The following POTEC variants were observed in gnomAD, a reference collection of about 807,000 sequenced individuals.
The protein encoded by POTEC is POTE ankyrin domain family member C, also known as ANKRD26-like family B member 2.
A neutral mutation model predicts 62.0 loss-of-function variants in POTEC; 35 were observed. The ratio of observed to expected loss-of-function variants is 0.56; its 90% CI spans 0.43 to 0.75. The LOEUF is 0.75. Ranked by LOEUF, POTEC falls within the 30% of genes least tolerant of loss-of-function variation. POTEC has a pLI of 0.00. For synonymous variants in POTEC, 156 were observed against 221.5 expected (o/e 0.70, Z 2.62); for missense variants, 472 against 655.9 (o/e 0.72, Z 3.06).
In POTEC at chr18:14,510,717, G is replaced by GT. The variant is rs1467652270; in HGVS notation, c.*1180dup. 6.6e-6 allele frequency: 1 copy of GT among 152,196 alleles called. No individual in the cohort carries two copies. Among genetic ancestry groups the GT allele is most frequent in the Non-Finnish European group, 1.5e-5 (1 of 68,040 alleles). The allele number at this position is 152,196 out of a possible 1,614,324, so 9.4% of individuals were successfully genotyped here. On this transcript the variant is annotated 3_prime_UTR_variant, in exon 11 of 11. Transcript: ENST00000358970. ...GAAGCAAGTTGAGAAGTCTTGCCTA[G>GT]TAAGGAGGAACAGGAATAGGGACTT...
intron 10 of POTEC, among the ~76,000 whole-genome samples, chr18:14,512,500 T>C (rs1240493412): frequency 6.6e-6 from 1 of 152,240 alleles, no homozygotes; most frequent in Admixed American, 6.5e-5. Context: ...TTCATAACTG[T>C]TAAATCTAAG....
intron 1 of POTEC, among the ~76,000 whole-genome samples, chr18:14,542,303 T>C (rs1249325676): frequency 6.6e-6 from 1 of 152,230 alleles, no homozygotes; most frequent in Non-Finnish European, 1.5e-5. Context: ...TATACACCTT[T>C]CTATAGTGTA....
intron 1 of POTEC, among the ~76,000 whole-genome samples, 159 bp downstream of exon 1, chr18:14,542,467 T>C (rs951543453): frequency 6.6e-6 from 1 of 152,160 alleles, no homozygotes; most frequent in Admixed American, 6.5e-5. Flanking sequence ...TTGCTGTTTA[T>C]AAAGGGACCT....
intron 5 of POTEC, among the ~76,000 whole-genome samples, chr18:14,531,077 T>TA (rs1905497561): frequency 1.3e-5 from 2 of 152,278 alleles, no homozygotes; most frequent in African/African-American, 4.8e-5. Context: ...ATTTTGTTCA[T>TA]AGGTTCTAAT....
chr18:14,518,260 T>C (rs1910217445), intron 9 of POTEC, among the ~76,000 whole-genome samples: 1 of 151,164 alleles, frequency 6.6e-6, no homozygotes, highest in Non-Finnish European at 1.5e-5. Flanking sequence ...AAACACACAA[T>C]AACAACAGAC....
intron 6 of POTEC, 45 bp downstream of exon 6, chr18:14,530,438 A>T (rs768238966): frequency 1.2e-5 from 19 of 1,600,518 alleles, no homozygotes; most frequent in Non-Finnish European, 1.5e-5. Flanking sequence ...TGCCAAAAAC[A>T]TTGTGGACAA....
Position 14,534,404 on chromosome 18 carries a change from T to C in POTEC, c.917+497A>G, listed in dbSNP as rs934558372. On this transcript the variant is annotated intron_variant, in intron 4 of 10. Coordinates refer to ENST00000358970, the MANE Select transcript of POTEC (RefSeq NM_001137671.2). ...ACAGTATGTGGGAATAGCAATTAATTGTCATGTGGCGATAAGCTAACATTA... is the reference window on the plus strand; with the variant it reads ...ACAGTATGTGGGAATAGCAATTAATCGTCATGTGGCGATAAGCTAACATTA... Among the ~76,000 whole-genome samples the C allele has an allele frequency of 4.6e-5, 7 of 152,086 alleles. No homozygotes were observed. In the South Asian group the frequency reaches 1.5e-3, roughly 32 times the overall value.
chr18:14,521,978 C>A (rs916693909), intron 9 of POTEC, among the ~76,000 whole-genome samples: 9 of 152,010 alleles, frequency 5.9e-5, no homozygotes, highest in African/African-American at 2.2e-4. Flanking sequence ...ATATAATAAA[C>A]CTGCACATGA....
chr18:14,535,709 G>GA (rs1003550230), intron 3 of POTEC, among the ~76,000 whole-genome samples: 1 of 151,290 alleles, frequency 6.6e-6, no homozygotes, highest in Admixed American at 6.6e-5. Context: ...AGCTTCAATT[G>GA]AAAAAAAAGG....
Position 14,528,294 on chromosome 18 carries a change from C to A in POTEC, c.1126+2189G>T, listed in dbSNP as rs202051343. On this transcript the variant is annotated intron_variant, in intron 6 of 10. Coordinates refer to ENST00000358970, the MANE Select transcript of POTEC (RefSeq NM_001137671.2). Reference sequence around the variant, plus strand: ...GCAGCACACATTGTTGGCTCCCTATCAATAGCCATTCCTTATTCTTTCTTG... The same window carrying A: ...GCAGCACACATTGTTGGCTCCCTATAAATAGCCATTCCTTATTCTTTCTTG... Among the ~76,000 whole-genome samples, 1,262 of 152,244 alleles carry A rather than the reference C, an allele frequency of 8.3e-3. 16 individuals carry two copies. Among genetic ancestry groups the A allele is most frequent in the South Asian group, 0.04 (194 of 4,816 alleles).
intron 6 of POTEC, 130 bp from the exon 7 acceptor site, chr18:14,525,113 A>T: frequency 7.3e-7 from 1 of 1,366,788 alleles, no homozygotes; most frequent in Non-Finnish European, 9.8e-7. Context: ...TCTTTCATGA[A>T]ATAGTTACTT....
At chr18:14,514,354 C>CTTCACT (rs1910092864) in intron 9 of POTEC, among the ~76,000 whole-genome samples, 1 of 151,804 alleles carries the variant, frequency 6.6e-6, no homozygotes, top group South Asian at 2.1e-4. Context: ...ACAGATGAAG[C>CTTCACT]TTCACTTGCT....
chr18:14,534,276 G>A (rs1905632237), intron 4 of POTEC, among the ~76,000 whole-genome samples: 1 of 151,062 alleles, frequency 6.6e-6, no homozygotes, highest in African/African-American at 2.4e-5. Context: ...TAAAGGAAAA[G>A]TGTATCCACT....
intron 9 of POTEC, among the ~76,000 whole-genome samples, chr18:14,514,386 G>A (rs1910094105): frequency 1.3e-5 from 2 of 151,918 alleles, no homozygotes; most frequent in African/African-American, 4.8e-5. Flanking sequence ...ACCTCTTGCT[G>A]TGTGGCCCAG....
intron 9 of POTEC, among the ~76,000 whole-genome samples, chr18:14,516,004 A>G (rs1291058306): frequency 1.3e-5 from 2 of 151,632 alleles, no homozygotes; most frequent in Admixed American, 1.3e-4. Context: ...GGTCACTACT[A>G]AAATAAAAAA....
chr18:14,541,864 T>C (rs1174831370), intron 1 of POTEC, among the ~76,000 whole-genome samples: 9 of 152,116 alleles, frequency 5.9e-5, no homozygotes, highest in Admixed American at 5.9e-4. Context: ...AATTCTTACA[T>C]ATATTTGGGT....
intron 4 of POTEC, among the ~76,000 whole-genome samples, chr18:14,534,179 G>GT (rs1028934849): frequency 2.7e-5 from 4 of 145,850 alleles, no homozygotes; most frequent in African/African-American, 1.0e-4. Context: ...GCGGTGTTTG[G>GT]TTTTTTGTTC....
At chr18:14,533,970 T>A (rs1382861351) in intron 4 of POTEC, among the ~76,000 whole-genome samples, 2 of 150,732 alleles carry the variant, frequency 1.3e-5, no homozygotes, top group Non-Finnish European at 3.0e-5. Flanking sequence ...CATGTGCACA[T>A]TGTGCAGGTT....
rs1314090642 is a variant in POTEC at position 14,509,017 on chromosome 18, C to A, written c.*2881G>T. On this transcript the variant is annotated 3_prime_UTR_variant, in exon 11 of 11. Transcript: ENST00000358970. The stretch of plus-strand genomic sequence containing the variant: ...AGGGGCCAACATGCAGCTCCCAATT[C>A]TTGGACTGTGTGCTTTAACTCTGGG... The A allele has an allele frequency of 6.6e-6, 1 of 152,220 alleles. No homozygotes were observed. The highest frequency in any genetic ancestry group is 1.5e-5 in the Non-Finnish European group (1 of 68,048). The allele number at this position is 152,220 out of a possible 1,614,324, so 9.4% of individuals were successfully genotyped here.
Sources: gnomAD v4.1 joint callset for allele counts (sites outside exome capture counted in the v4.1 genomes callset) on GRCh38, gnomAD v4.1.1 for gene constraint, MANE v1.5 for transcripts, NCBI Gene and HGNC (gene_info 2026-07-23, HGNC 2026-07-21) for gene names.